Variants in NDUFAF2 observed in about 807,000 individuals in gnomAD.
The protein encoded by NDUFAF2 is NADH dehydrogenase [ubiquinone] 1 alpha subcomplex assembly factor 2.
Under a neutral mutation model 22.8 loss-of-function variants are expected in NDUFAF2, and 13 were observed. The ratio of observed to expected loss-of-function variants is 0.57; its 90% CI spans 0.37 to 0.91. The LOEUF (loss-of-function observed/expected upper bound fraction) is 0.91. NDUFAF2 is among the 40% of genes least tolerant of loss of function. The pLI is 0.01. For synonymous variants in NDUFAF2, 53 were observed against 64.2 expected (o/e 0.83, Z 0.84); for missense variants, 162 against 195.2 (o/e 0.83, Z 1.01).
rs140634378 is a variant in NDUFAF2 at position 60,996,101 on chromosome 5, A to T, written c.127+50719A>T. 4.6e-5 allele frequency among the ~76,000 whole-genome samples: 7 copies of T among 152,132 alleles called. No homozygotes were observed. In the East Asian group the frequency reaches 1.2e-3, roughly 25 times the overall value. ...TGCCATCCAAGAGCCAAGTCATAGA[A>T]CTGGGGACTCTAAGAACCTGCTTGG... On this transcript the variant is annotated intron_variant, in intron 1 of 3. Coordinates refer to ENST00000296597, the MANE Select transcript of NDUFAF2 (RefSeq NM_174889.5).
intron 1 of NDUFAF2, among the ~76,000 whole-genome samples, chr5:61,008,157 TGGGGGGA>T (rs1751394889): frequency 1.7e-5 from 1 of 58,564 alleles, no homozygotes; most frequent in East Asian, 6.4e-4. Flanking sequence ...TGTTGTGGGG[TGGGGGGA>T]GGGGGGAGGG....
intron 1 of NDUFAF2, among the ~76,000 whole-genome samples, chr5:60,974,391 T>C (rs1463323252): frequency 6.6e-6 from 1 of 152,212 alleles, no homozygotes; most frequent in Non-Finnish European, 1.5e-5. Context: ...GTTTTGGGAC[T>C]CGACTGGCTT....
intron 1 of NDUFAF2, among the ~76,000 whole-genome samples, chr5:60,985,074 C>G (rs1359350291): frequency 1.3e-5 from 2 of 152,128 alleles, no homozygotes; most frequent in African/African-American, 2.4e-5. Flanking sequence ...ATTTCAGAGC[C>G]TGTTATTGGT....
chr5:61,026,279 G>A (rs572405943), intron 1 of NDUFAF2, among the ~76,000 whole-genome samples: 56 of 152,044 alleles, frequency 3.7e-4, no homozygotes, highest in East Asian at 1.4e-3. Flanking sequence ...AAAATCGTGA[G>A]GCTAGCATTT....
At chr5:60,980,991 TAAAG>T (rs891669523) in intron 1 of NDUFAF2, among the ~76,000 whole-genome samples, 1 of 151,740 alleles carries the variant, frequency 6.6e-6, no homozygotes, top group African/African-American at 2.4e-5. Context: ...AAAAAGGAGA[TAAAG>T]AGAGAGATGG....
At chr5:60,974,689 A>G (rs549416412) in intron 1 of NDUFAF2, among the ~76,000 whole-genome samples, 1 of 151,994 alleles carries the variant, frequency 6.6e-6, no homozygotes, top group Admixed American at 6.5e-5. Flanking sequence ...GCCTGCTGCT[A>G]GCTCCTTCTC....
chr5:61,133,438 C>G (rs1417285557), intron 3 of NDUFAF2, among the ~76,000 whole-genome samples: 1 of 152,054 alleles, frequency 6.6e-6, no homozygotes, highest in African/African-American at 2.4e-5. Context: ...TTTTTTCTTA[C>G]TTAATTTTCA....
chr5:61,071,935 A>G (rs1752304615), intron 1 of NDUFAF2, among the ~76,000 whole-genome samples: 1 of 152,244 alleles, frequency 6.6e-6, no homozygotes, highest in Non-Finnish European at 1.5e-5. Flanking sequence ...GAAAATAACA[A>G]TTAGTTTTAT....
At chr5:61,107,876 C>T (rs1350880892) in intron 3 of NDUFAF2, among the ~76,000 whole-genome samples, 1 of 139,832 alleles carries the variant, frequency 7.2e-6, no homozygotes, top group Non-Finnish European at 1.5e-5. Flanking sequence ...TCTATGTGTT[C>T]TCATTGTTCA....
chr5:61,132,079 G>T, intron 3 of NDUFAF2, among the ~76,000 whole-genome samples: 1 of 152,106 alleles, frequency 6.6e-6, no homozygotes, highest in East Asian at 1.9e-4. Flanking sequence ...ATGGCAAGCG[G>T]ATTAAATGAG....
At chr5:61,101,238 AAC>A (rs1355505496) in intron 3 of NDUFAF2, among the ~76,000 whole-genome samples, 1 of 152,146 alleles carries the variant, frequency 6.6e-6, no homozygotes, top group Non-Finnish European at 1.5e-5. Context: ...CAGGTCAAGA[AAC>A]ACAACTTTGC....
In NDUFAF2 at chr5:61,034,912, A is replaced by ATATGTGTGTGTGTG. The variant is rs111557328; in HGVS notation, c.128-38212_128-38211insATGTGTGTGTGTGT. On this transcript the variant is annotated intron_variant, in intron 1 of 3. Coordinates refer to ENST00000296597, the MANE Select transcript of NDUFAF2 (RefSeq NM_174889.5). ...GGTTTTTTTAGGTAGGCAAATATAT[A>ATATGTGTGTGTGTG]TGTGTGTGTGTGTGTGTGTGTGTGT... 1.9e-3 allele frequency among the ~76,000 whole-genome samples: 272 copies of ATATGTGTGTGTGTG among 144,988 alleles called. 6 individuals are homozygous for ATATGTGTGTGTGTG. The highest frequency in any genetic ancestry group is 0.017 in the Admixed American group (239 of 14,284).
chr5:61,143,370 T>C (rs1156802904), intron 3 of NDUFAF2, among the ~76,000 whole-genome samples: 2 of 152,112 alleles, frequency 1.3e-5, no homozygotes, highest in East Asian at 1.9e-4. Flanking sequence ...TTCACTAGTA[T>C]ATATGGTTTA....
At chr5:61,136,183 CTG>C (rs1391078774) in intron 3 of NDUFAF2, among the ~76,000 whole-genome samples, 1 of 151,098 alleles carries the variant, frequency 6.6e-6, no homozygotes, top group Non-Finnish European at 1.5e-5. Context: ...AGATGACACT[CTG>C]TTTATCAAAA....
chr5:61,033,020 T>C (rs755698046), intron 1 of NDUFAF2, among the ~76,000 whole-genome samples: 39 of 152,190 alleles, frequency 2.6e-4, no homozygotes, highest in Non-Finnish European at 4.6e-4. Context: ...TGATATTGAG[T>C]CTTCCTATCC....
At chr5:61,027,029 A>G (rs188318943) in intron 1 of NDUFAF2, among the ~76,000 whole-genome samples, 17 of 151,826 alleles carry the variant, frequency 1.1e-4, no homozygotes, top group African/African-American at 3.9e-4. Flanking sequence ...AACTATATGT[A>G]AAAATATTAT....
At chr5:61,106,087 T>C (rs1752759537) in intron 3 of NDUFAF2, among the ~76,000 whole-genome samples, 1 of 151,370 alleles carries the variant, frequency 6.6e-6, no homozygotes, top group Admixed American at 6.6e-5. Flanking sequence ...CCAATAAATA[T>C]AGAAGAAATA....
chr5:61,033,303 C>A lies in NDUFAF2; in HGVS notation c.128-39822C>A, dbSNP rs190591750. On this transcript the variant is annotated intron_variant, in intron 1 of 3. Coordinates refer to ENST00000296597, the MANE Select transcript of NDUFAF2 (RefSeq NM_174889.5). ...TGGGCTTACATAGGTTTTATTTGAA[C>A]ATTAATTATTACACTATGTGAAGAC... Among the ~76,000 whole-genome samples, 1,207 of 152,114 alleles carry A rather than the reference C, an allele frequency of 7.9e-3. 17 individuals carry two copies. The highest frequency in any genetic ancestry group is 0.027 in the African/African-American group (1,129 of 41,522).
At chr5:60,964,188 A>C (rs569668244) in intron 1 of NDUFAF2, among the ~76,000 whole-genome samples, 1 of 152,314 alleles carries the variant, frequency 6.6e-6, no homozygotes, top group East Asian at 1.9e-4. Context: ...TGCAAGAATA[A>C]TACAAAGAAT....
Sources: gnomAD v4.1 joint callset for allele counts (sites outside exome capture counted in the v4.1 genomes callset) on GRCh38, gnomAD v4.1.1 for gene constraint, MANE v1.5 for transcripts, NCBI Gene and HGNC (gene_info 2026-07-23, HGNC 2026-07-21) for gene names.